Variants in CCDC172 observed in about 807,000 individuals in gnomAD.
The protein encoded by CCDC172 is coiled-coil domain containing 172.
CCDC172 carries 30 observed loss-of-function variants against 38.0 expected under a neutral mutation model. The ratio of observed to expected loss-of-function variants is 0.79; its 90% CI spans 0.59 to 1.07. The LOEUF (loss-of-function observed/expected upper bound fraction) is 1.07, where lower values mean the gene tolerates loss of function less well. CCDC172 is among the 50% of genes least tolerant of loss of function. CCDC172 has a pLI of 0.00. For synonymous variants in CCDC172, 78 were observed against 88.3 expected (o/e 0.88, Z 0.66); for missense variants, 297 against 290.1 (o/e 1.02, Z -0.17).
intron 7 of CCDC172, among the ~76,000 whole-genome samples, chr10:116,358,565 G>T (rs1335447900): frequency 1.3e-5 from 2 of 152,086 alleles, no homozygotes; most frequent in South Asian, 2.1e-4. Flanking sequence ...TATAAGAAAA[G>T]AAACCTCATT....
At chr10:116,362,282 G>T (rs1845074226) in intron 7 of CCDC172, among the ~76,000 whole-genome samples, 1 of 152,188 alleles carries the variant, frequency 6.6e-6, no homozygotes, top group African/African-American at 2.4e-5. Flanking sequence ...GCAAAAATGG[G>T]ATTATGAATC....
intron 5 of CCDC172, among the ~76,000 whole-genome samples, chr10:116,352,269 C>T (rs1844940841): frequency 6.6e-6 from 1 of 152,158 alleles, no homozygotes; most frequent in South Asian, 2.1e-4. Flanking sequence ...CAAACATCAA[C>T]ATCCTTTATG....
chr10:116,334,746 T>C (rs1224774679), intron 3 of CCDC172, among the ~76,000 whole-genome samples: 1 of 152,068 alleles, frequency 6.6e-6, no homozygotes, highest in African/African-American at 2.4e-5. Flanking sequence ...TAAATCAAAT[T>C]GCTGTGTCAA....
At chr10:116,358,802 A>G (rs561531432) in intron 7 of CCDC172, among the ~76,000 whole-genome samples, 1 of 152,244 alleles carries the variant, frequency 6.6e-6, no homozygotes, top group South Asian at 2.1e-4. Context: ...TTTGATAATG[A>G]CAATCTGCTC....
intron 4 of CCDC172, among the ~76,000 whole-genome samples, 167 bp from the exon 5 acceptor site, chr10:116,341,868 GT>G (rs1316041734): frequency 6.6e-6 from 1 of 151,618 alleles, no homozygotes; most frequent in Non-Finnish European, 1.5e-5. Flanking sequence ...AATAGCTTCA[GT>G]TTTTTATTAA....
chr10:116,351,057 C>T (rs1844925242), intron 5 of CCDC172, among the ~76,000 whole-genome samples: 1 of 152,040 alleles, frequency 6.6e-6, no homozygotes, highest in Admixed American at 6.5e-5. Flanking sequence ...TTTAGACTTA[C>T]CTTTTTCATT....
rs775949263 is a variant in CCDC172 at position 116,357,844 on chromosome 10, G to C, written c.559G>C (p.Asp187His). Residue 187 changes from aspartate (D) to histidine (H), a missense_variant, in exon 7 of 9, where the codon GAT (aspartate) becomes CAT (histidine). By Grantham distance (81) the Asp-to-His change is moderately conservative. Coordinates refer to ENST00000333254, the MANE Select transcript of CCDC172 (RefSeq NM_198515.3). ...TLQRKLKVFE[D>H]EENESICTTK... Reference sequence around the variant, plus strand: ...TTTTTTGATTTGTTTAGTTTTTGAAGATGAAGAGAATGAATCCATTTGTAC... The same window carrying C: ...TTTTTTGATTTGTTTAGTTTTTGAACATGAAGAGAATGAATCCATTTGTAC... The C allele has an allele frequency of 3.4e-6, 5 of 1,461,292 alleles. No individual in the cohort carries two copies. The highest frequency in any genetic ancestry group is 4.7e-6 in the Non-Finnish European group (5 of 1,070,918). The allele number at this position is 1,461,292 out of a possible 1,614,324, so 90.5% of individuals were successfully genotyped here. A position where few individuals can be genotyped will look rare whatever the true frequency, so the allele number is the denominator to read the frequency against.
At chr10:116,325,216 A>G in intron 2 of CCDC172, 87 bp from the exon 3 acceptor site, 1 of 1,469,126 alleles carries the variant, frequency 6.8e-7, no homozygotes, top group East Asian at 2.3e-5. Flanking sequence ...GCTGAGGGAA[A>G]GACAACTGAA....
intron 4 of CCDC172, among the ~76,000 whole-genome samples, chr10:116,341,374 G>A (rs532415181): frequency 2.6e-5 from 4 of 152,088 alleles, no homozygotes; most frequent in Admixed American, 6.6e-5. Context: ...TTGAAATGAC[G>A]TGGCCAGTTT....
chr10:116,374,629 A>G (rs1385110701), intron 7 of CCDC172, among the ~76,000 whole-genome samples: 4 of 152,018 alleles, frequency 2.6e-5, no homozygotes, highest in Admixed American at 6.6e-5. Context: ...ATAAGTCAAT[A>G]GAGGAGATAA....
chr10:116,327,430 A>G (rs1357028025), intron 3 of CCDC172, among the ~76,000 whole-genome samples: 2 of 152,050 alleles, frequency 1.3e-5, no homozygotes, highest in East Asian at 3.9e-4. Context: ...TATTGACCTG[A>G]TATAATATAT....
chr10:116,339,771 A>G (rs1474435717), intron 3 of CCDC172, among the ~76,000 whole-genome samples: 1 of 151,904 alleles, frequency 6.6e-6, no homozygotes, highest in African/African-American at 2.4e-5. Flanking sequence ...ACTGTCTCTT[A>G]AGCCAACCCT....
intron 7 of CCDC172, among the ~76,000 whole-genome samples, chr10:116,377,185 A>G (rs1362544409): frequency 6.6e-6 from 1 of 152,144 alleles, no homozygotes; most frequent in African/African-American, 2.4e-5. Flanking sequence ...AAGTATAATA[A>G]AAAAATCAGT....
intron 3 of CCDC172, among the ~76,000 whole-genome samples, chr10:116,338,990 A>C (rs1222357696): frequency 1.3e-5 from 2 of 152,038 alleles, no homozygotes; most frequent in Non-Finnish European, 2.9e-5. Flanking sequence ...TTTGGTCTCT[A>C]AAGCATTTTT....
At chr10:116,377,547 G>C (rs984140575) in intron 7 of CCDC172, among the ~76,000 whole-genome samples, 10 of 152,030 alleles carry the variant, frequency 6.6e-5, no homozygotes, top group Non-Finnish European at 1.3e-4. Context: ...GCTTTTTCAT[G>C]TTAAAAAATT....
intron 8 of CCDC172, 131 bp from the exon 9 acceptor site, chr10:116,379,191 TA>T (rs1302051043): frequency 1.8e-5 from 9 of 505,754 alleles, no homozygotes; most frequent in African/African-American, 1.7e-4. Context: ...CCTTTGAATT[TA>T]TTTTTTTTTA....
chr10:116,367,776 G>A (rs566502643), intron 7 of CCDC172, among the ~76,000 whole-genome samples: 1 of 152,088 alleles, frequency 6.6e-6, no homozygotes, highest in East Asian at 1.9e-4. Context: ...GTTCATTATA[G>A]CTACTTTTCT....
intron 7 of CCDC172, among the ~76,000 whole-genome samples, chr10:116,359,811 G>A (rs1440595407): frequency 6.6e-6 from 1 of 152,090 alleles, no homozygotes; most frequent in African/African-American, 2.4e-5. Flanking sequence ...TTTAATACAT[G>A]CTTTATTTTG....
In CCDC172 at chr10:116,325,084, C is replaced by T. The variant is rs1265543010; in HGVS notation, c.73C>T (p.Arg25Ter). The change falls in exon 2 of 9, where the codon CGA becomes TGA. Residue 25 changes from arginine to a stop codon, truncating the protein, a stop_gained. Transcript: ENST00000333254. LOFTEE classifies it high-confidence loss of function. ...GGCGGAGGAGAGTCGCCGTTTGATG[C>T]GAGAAGGTCGGGGTATTTCTGTCCT... ...HQAEESRRLM[R>*]EVRSEITRCR... 5 of 1,613,564 alleles carry T rather than the reference C, an allele frequency of 3.1e-6. No homozygotes were observed. The African/African-American group carries it at 4.0e-5, about 13-fold the overall frequency.
Sources: gnomAD v4.1 joint callset for allele counts (sites outside exome capture counted in the v4.1 genomes callset) on GRCh38, gnomAD v4.1.1 for gene constraint, MANE v1.5 for transcripts, NCBI Gene and HGNC (gene_info 2026-07-23, HGNC 2026-07-21) for gene names.